The following PALM variants were observed in gnomAD, a reference collection of about 807,000 sequenced individuals.
PALM encodes the protein paralemmin-1.
In PALM, 18 loss-of-function variants were observed where a neutral mutation model predicts 30.7. The observed-to-expected ratio is 0.59, with a 90% CI of 0.41 to 0.87. The LOEUF is 0.87. Among genes scored for constraint, PALM ranks in the 40% least tolerant of loss-of-function variants. The pLI is 0.00. For synonymous variants in PALM, 286 were observed against 242.8 expected (o/e 1.18, Z -1.66); for missense variants, 529 against 555.4 (o/e 0.95, Z 0.48).
At chr19:723,492 C>G (rs908955887) in intron 1 of PALM, among the ~76,000 whole-genome samples, 1 of 152,142 alleles carries the variant, frequency 6.6e-6, no homozygotes, top group Non-Finnish European at 1.5e-5. Context: ...CTCCCTGCCT[C>G]GCTGCAACAG....
chr19:743,526 T>C (rs773034549), intron 8 of PALM, among the ~76,000 whole-genome samples: 1 of 152,206 alleles, frequency 6.6e-6, no homozygotes, highest in Non-Finnish European at 1.5e-5. Flanking sequence ...TGAGATGCCT[T>C]GAAGCATGGA....
At position 734,186 on chromosome 19, in the gene PALM, C is replaced by T. The variant is rs907706996; in HGVS notation, c.434C>T (p.Thr145Met). The change falls in exon 6 of 9, where the codon ACG becomes ATG. Residue 145 changes from threonine (T) to methionine (M), a missense_variant. By Grantham distance (81) the Thr-to-Met change is moderately conservative. Transcript: ENST00000338448. ...TCTTTCTTGCAGACGCCGGTGGGCA[C>T]GCCCAAAGGTAGGACCTCTGGAAGG... ...VMNSQQTPVG[T>M]PKDKRVSNTP... 4.6e-5 allele frequency: 75 copies of T among 1,613,734 alleles called. No individual in the cohort carries two copies. Among genetic ancestry groups the T allele is most frequent in the African/African-American group, 6.7e-5 (5 of 74,918 alleles).
At chr19:716,565 G>A (rs769415601) in intron 1 of PALM, among the ~76,000 whole-genome samples, 6 of 152,164 alleles carry the variant, frequency 3.9e-5, no homozygotes, top group Non-Finnish European at 8.8e-5. Flanking sequence ...GCAGAGATGC[G>A]GGACCCTGAA....
At chr19:736,984 C>T (rs538078801) in intron 7 of PALM, among the ~76,000 whole-genome samples, 32 of 152,314 alleles carry the variant, frequency 2.1e-4, no homozygotes, top group Admixed American at 1.6e-3. Flanking sequence ...ACCTGGGAGG[C>T]GGAGTTTGTA....
In PALM at chr19:709,902, CTG is replaced by C. The variant is rs57890977; in HGVS notation, c.5+760_5+761del. ...TCCCTGGACCCCCGCATGGCTGCGC[CTG>C]TGTGTGTGGGGGGGGGGTGGCCAGT... On this transcript the variant is annotated intron_variant, in intron 1 of 8. Transcript: ENST00000338448. The surrounding 1 kb of genome is among the most constrained non-coding windows in gnomAD (Gnocchi z 4.3). Among the ~76,000 whole-genome samples, 3 of 146,808 alleles carry C rather than the reference CTG, an allele frequency of 2.0e-5. No homozygotes were observed. The highest frequency in any genetic ancestry group is 4.5e-5 in the Non-Finnish European group (3 of 66,268).
In PALM at chr19:709,381, G is replaced by A. The variant is rs1182343435; in HGVS notation, c.5+230G>A. 6.6e-6 allele frequency among the ~76,000 whole-genome samples: 1 copy of A among 151,614 alleles called. No homozygotes were observed. The highest frequency in any genetic ancestry group is 6.6e-5 in the Admixed American group (1 of 15,232). On this transcript the variant is annotated intron_variant, in intron 1 of 8. Transcript: ENST00000338448. This position sits in a 1 kb window ranked among gnomAD's most constrained non-coding sequence, Gnocchi z 4.3. ...ACCCCGGCTGCCCACCCACCGGCGC[G>A]TGGGGACCCGGGCAGCGGCGGCTCG...
intron 4 of PALM, among the ~76,000 whole-genome samples, chr19:729,903 G>A (rs1026036046): frequency 4.6e-5 from 7 of 152,244 alleles, no homozygotes; most frequent in African/African-American, 1.7e-4. Flanking sequence ...GGCGAAGGCA[G>A]TGGGAGTTAC....
At chr19:744,548 G>C (rs1425241294) in intron 8 of PALM, among the ~76,000 whole-genome samples, 2 of 152,076 alleles carry the variant, frequency 1.3e-5, no homozygotes, top group Non-Finnish European at 2.9e-5. Context: ...TAGAATGAAT[G>C]AAAATTTCAA....
At chr19:744,508 AAAAT>A (rs1309629254) in intron 8 of PALM, among the ~76,000 whole-genome samples, 1 of 152,218 alleles carries the variant, frequency 6.6e-6, no homozygotes, top group East Asian at 1.9e-4. Flanking sequence ...CTAGAAAACA[AAAAT>A]AAATGAATGA....
At chr19:744,101 T>C (rs1599170245) in intron 8 of PALM, among the ~76,000 whole-genome samples, 1 of 152,170 alleles carries the variant, frequency 6.6e-6, no homozygotes, top group East Asian at 1.9e-4. Flanking sequence ...CTATTTACAC[T>C]TGAAAATGAA....
At chr19:710,877 C>A (rs559684414) in intron 1 of PALM, among the ~76,000 whole-genome samples, 2 of 152,342 alleles carry the variant, frequency 1.3e-5, no homozygotes, top group Admixed American at 1.3e-4. Context: ...CCCGGGCTGA[C>A]AATGGGTGGG....
At chr19:725,232 G>A (rs1159594194) in intron 1 of PALM, among the ~76,000 whole-genome samples, 1 of 151,910 alleles carries the variant, frequency 6.6e-6, no homozygotes, top group Non-Finnish European at 1.5e-5. Context: ...TGGGAGGTGA[G>A]GCTACAGCTG....
chr19:734,059 T>G (rs1599158391), intron 5 of PALM, 114 bp from the exon 6 acceptor site: 1 of 842,134 alleles, frequency 1.2e-6, no homozygotes, highest in Non-Finnish European at 2.0e-6. Flanking sequence ...GAGAAGCGGG[T>G]GCGTATGACG....
chr19:743,675 G>A (rs764254202), intron 8 of PALM, among the ~76,000 whole-genome samples: 5 of 152,182 alleles, frequency 3.3e-5, no homozygotes, highest in African/African-American at 4.8e-5. Context: ...AACTCCCAGC[G>A]TGGCCCAGGC....
At chr19:727,744 C>A in intron 4 of PALM, 50 bp downstream of exon 4, 1 of 1,483,356 alleles carries the variant, frequency 6.7e-7, no homozygotes, top group Non-Finnish European at 9.0e-7. Context: ...CCTCGGGGGC[C>A]GCTGGCTCCC....
chr19:734,471 A>G, intron 6 of PALM: 1 of 474,632 alleles, frequency 2.1e-6, no homozygotes, highest in Non-Finnish European at 3.8e-6. Flanking sequence ...AGGCTGAGGC[A>G]GGAGGATCGA....
chr19:717,806 A>G (rs2032315314), intron 1 of PALM, among the ~76,000 whole-genome samples: 1 of 151,726 alleles, frequency 6.6e-6, no homozygotes, highest in Admixed American at 6.6e-5. Flanking sequence ...AAAGACCCTA[A>G]TCGACTCCCT....
Position 746,978 on chromosome 19 carries a change from G to T in PALM, c.*164G>T, listed in dbSNP as rs1311942913. The T allele has an allele frequency of 5.0e-6, 3 of 603,678 alleles. No homozygotes were observed. The highest frequency in any genetic ancestry group is 4.0e-5 in the South Asian group (2 of 49,958). 37.4% of individuals were successfully genotyped at this position (603,678 alleles called of 1,614,324 possible). ...TCTTTCGCTGGAAAGAGGGACAGGG[G>T]CCCCCACCCGTCACCACGCCCCAAC... On this transcript the variant is annotated 3_prime_UTR_variant, in exon 9 of 9. Transcript: ENST00000338448. The surrounding 1 kb of genome is among the most constrained non-coding windows in gnomAD (Gnocchi z 7.1).
intron 5 of PALM, among the ~76,000 whole-genome samples, chr19:732,854 G>A (rs916736884): frequency 3.3e-5 from 5 of 152,016 alleles, no homozygotes; most frequent in African/African-American, 1.2e-4. Context: ...TCATTCGTGG[G>A]AGGGCTGGGC....
Sources: allele counts gnomAD v4.1 joint callset (sites outside exome capture counted in the v4.1 genomes callset), GRCh38; gene constraint gnomAD v4.1.1; non-coding constraint Gnocchi (gnomAD v3.1); transcripts MANE v1.5; gene names NCBI Gene and HGNC (gene_info 2026-07-23, HGNC 2026-07-21).